The following KMT2E variants were observed in gnomAD, a reference collection of about 807,000 sequenced individuals.
KMT2E encodes the protein histone reader KMT2E.
KMT2E carries 30 observed loss-of-function variants against 184.6 expected under a neutral mutation model. The observed-to-expected ratio is 0.16, with a 90% CI of 0.12 to 0.22. KMT2E has a LOEUF of 0.22. Ranked by LOEUF, KMT2E falls within the 10% of genes least tolerant of loss-of-function variation. The pLI is 1.00. For missense variants in KMT2E, 2,023 were observed against 2,237.4 expected, an observed-to-expected ratio of 0.90 and a Z score of 1.93; for synonymous variants, 815 against 776.5, an observed-to-expected ratio of 1.05 and a Z score of -0.82.
At chr7:105,045,628 T>A (rs1796072300) in intron 3 of KMT2E, among the ~76,000 whole-genome samples, 1 of 152,350 alleles carries the variant, frequency 6.6e-6, no homozygotes, top group East Asian at 1.9e-4. Context: ...AGAATTCCAT[T>A]CCTTTTTATG....
At chr7:105,087,262 C>CAT (rs1369877745) in intron 13 of KMT2E, among the ~76,000 whole-genome samples, 2 of 137,604 alleles carry the variant, frequency 1.5e-5, no homozygotes, top group African/African-American at 5.6e-5. Context: ...TCAACATGAG[C>CAT]ATATATATAA....
At chr7:105,079,834 T>G (rs1797686617) in intron 12 of KMT2E, among the ~76,000 whole-genome samples, 2 of 149,632 alleles carry the variant, frequency 1.3e-5, no homozygotes, top group Non-Finnish European at 1.5e-5. Flanking sequence ...TAAATCATTA[T>G]TATTATTATT....
intron 1 of KMT2E, among the ~76,000 whole-genome samples, chr7:105,029,362 A>T (rs1283857013): frequency 6.6e-6 from 1 of 152,234 alleles, no homozygotes; most frequent in Non-Finnish European, 1.5e-5. Context: ...TATCTAGAAC[A>T]TAGTATATGT....
In KMT2E at chr7:105,102,014, C is replaced by T. The variant is rs1252260527; in HGVS notation, c.2016C>T (p.Ser672=). Residue 672 remains serine (S), a synonymous_variant, in exon 17 of 27, where the codon AGC becomes AGT. Transcript: ENST00000311117. ...AGCGTCGGAGACACAGAACTGTCAG[C>T]ATGTGTTCAGATATCCAGCCATCTT... ...GQQRRRHRTV[S]MCSDIQPSSP... The T allele has an allele frequency of 1.9e-6, 3 of 1,613,706 alleles. No individual in the cohort carries two copies. The highest frequency in any genetic ancestry group is 2.2e-5 in the East Asian group (1 of 44,874).
At chr7:105,065,715 C>T (rs527493176) in intron 5 of KMT2E, among the ~76,000 whole-genome samples, 2 of 152,098 alleles carry the variant, frequency 1.3e-5, no homozygotes, top group South Asian at 4.1e-4. Context: ...CTCCCTCTTC[C>T]TGAAAATATC....
chr7:105,085,033 T>A (rs1401005286), intron 13 of KMT2E, among the ~76,000 whole-genome samples: 1 of 152,124 alleles, frequency 6.6e-6, no homozygotes, highest in Non-Finnish European at 1.5e-5. Context: ...ATTCTTGACA[T>A]AACTTTTTCT....
intron 3 of KMT2E, among the ~76,000 whole-genome samples, chr7:105,042,109 G>T (rs967634048): frequency 4.6e-5 from 7 of 152,192 alleles, no homozygotes; most frequent in African/African-American, 1.7e-4. Flanking sequence ...TCATGTCTTA[G>T]CCTCCTGAGT....
chr7:105,037,920 A>G (rs1795731110), intron 1 of KMT2E, among the ~76,000 whole-genome samples: 1 of 151,736 alleles, frequency 6.6e-6, no homozygotes, highest in African/African-American at 2.4e-5. Context: ...TTCTTTTTCC[A>G]GTTTGATTTA....
rs777547213 is a variant in KMT2E at position 105,107,561 on chromosome 7, T to C, written c.3104T>C (p.Leu1035Pro). 2 of 1,613,908 alleles carry C rather than the reference T, an allele frequency of 1.2e-6. No individual in the cohort carries two copies. Among genetic ancestry groups the C allele is most frequent in the Admixed American group, 1.7e-5 (1 of 59,966 alleles). The change falls in exon 22 of 27, where the codon CTA (leucine) becomes CCA (proline). Residue 1035 changes from leucine (L) to proline (P), a missense_variant. By Grantham distance (98) the Leu-to-Pro change is moderately conservative (BLOSUM62 -3). Transcript: ENST00000311117. ...CTCGATGCAGTTGAGCCAACTGCCC[T>C]ACATAAAACCCTGGAAACGCCTGCA... ...LGLDAVEPTA[L>P]HKTLETPAHD...
chr7:105,071,670 G>A (rs1797324590), intron 6 of KMT2E, among the ~76,000 whole-genome samples: 1 of 127,942 alleles, frequency 7.8e-6, no homozygotes. Flanking sequence ...TCTTGGCCAG[G>A]ATGGTCTCAA....
In KMT2E at chr7:105,110,469, A is replaced by T; in HGVS notation, c.3845-8A>T. On this transcript the variant is annotated splice_region_variant and splice_polypyrimidine_tract_variant and intron_variant, in intron 24 of 26. Transcript: ENST00000311117. ...GTTCTCTTTGGGTCTGCTCTGCTTC[A>T]TCTCTAGGGGGAGAATCACCATGTG... The T allele has an allele frequency of 6.2e-7, 1 of 1,614,088 alleles. No individual in the cohort carries two copies. The highest frequency in any genetic ancestry group is 8.5e-7 in the Non-Finnish European group (1 of 1,179,992).
Position 105,106,552 on chromosome 7 carries a change from T to A in KMT2E, c.2627T>A (p.Phe876Tyr). The change falls in exon 20 of 27, where the codon TTT becomes TAT. Residue 876 changes from phenylalanine to tyrosine, a missense_variant. Physicochemically the swap from Phe to Tyr is conservative, Grantham distance 22. Around this residue, in one of 8 missense-constraint regions of KMT2E, gnomAD observed 514 missense variants for 621.8 expected, o/e 0.83. Coordinates refer to ENST00000311117, the MANE Select transcript of KMT2E (RefSeq NM_182931.3). ...ACTACACCACTAAAAAAACGAAGAT[T>A]TTATCAGTTGCTAGATTCGGTTTAC... Reference protein sequence around the residue: ...DLTTPLKKRRFYQLLDSVYSE... With the variant: ...DLTTPLKKRRYYQLLDSVYSE... 6.2e-7 allele frequency: 1 copy of A among 1,612,278 alleles called. No individual in the cohort carries two copies. Among genetic ancestry groups the A allele is most frequent in the East Asian group, 2.2e-5 (1 of 44,876 alleles).
intron 15 of KMT2E, among the ~76,000 whole-genome samples, chr7:105,098,664 G>A (rs1798525238): frequency 6.6e-6 from 1 of 152,120 alleles, no homozygotes; most frequent in Non-Finnish European, 1.5e-5. Context: ...GCCTCCCAAA[G>A]TGCTGGGATT....
At chr7:105,054,714 A>AT (rs1273633933) in intron 3 of KMT2E, among the ~76,000 whole-genome samples, 1 of 152,134 alleles carries the variant, frequency 6.6e-6, no homozygotes, top group Non-Finnish European at 1.5e-5. Context: ...GGGTTTCACC[A>AT]TGTTGGTCAG....
At chr7:105,041,131 C>T (rs1249165169) in intron 3 of KMT2E, 108 bp downstream of exon 3, 4 of 601,320 alleles carry the variant, frequency 6.7e-6, no homozygotes, top group Non-Finnish European at 8.1e-6. Flanking sequence ...TCTTTCCTAG[C>T]CATTTTTTAA....
intron 6 of KMT2E, among the ~76,000 whole-genome samples, chr7:105,072,020 A>C (rs1344379626): frequency 6.6e-6 from 1 of 152,008 alleles, no homozygotes; most frequent in African/African-American, 2.4e-5. Flanking sequence ...TTAAAAAGTT[A>C]CCATTAGGAG....
chr7:105,021,452 T>G (rs1021921008), intron 1 of KMT2E, among the ~76,000 whole-genome samples: 1 of 152,248 alleles, frequency 6.6e-6, no homozygotes, highest in Non-Finnish European at 1.5e-5. Flanking sequence ...AAAAGCCTGC[T>G]GTTTTAGAGT....
At chr7:105,087,514 C>G (rs887525849) in intron 13 of KMT2E, among the ~76,000 whole-genome samples, 1 of 151,130 alleles carries the variant, frequency 6.6e-6, no homozygotes, top group Non-Finnish European at 1.5e-5. Context: ...ACCTCCGCCT[C>G]CTGTGTTCAA....
intron 3 of KMT2E, among the ~76,000 whole-genome samples, chr7:105,051,316 G>A (rs764029632): frequency 3.3e-5 from 5 of 152,034 alleles, no homozygotes; most frequent in Admixed American, 1.3e-4. Context: ...TTCCCAAGTA[G>A]CTGGGATTAC....
Sources: gnomAD v4.1 joint callset for allele counts (sites outside exome capture counted in the v4.1 genomes callset) on GRCh38, gnomAD v4.1.1 for gene constraint, gnomAD v4.1.1 regional missense constraint, MANE v1.5 for transcripts, NCBI Gene and HGNC (gene_info 2026-07-23, HGNC 2026-07-21) for gene names.